Variants in OSBPL11 observed in about 807,000 individuals in gnomAD.
OSBPL11 encodes oxysterol binding protein like 11, also known as oxysterol-binding protein-related protein 11.
Under a neutral mutation model 84.4 loss-of-function variants are expected in OSBPL11, and 33 were observed. The observed-to-expected ratio is 0.39, with a 90% CI of 0.30 to 0.52. The LOEUF (loss-of-function observed/expected upper bound fraction) is 0.52. Among genes scored for constraint, OSBPL11 ranks in the 20% least tolerant of loss-of-function variants. The probability of loss-of-function intolerance (pLI) is 0.72; values close to 1 mark genes in which losing one functional copy is unlikely to be tolerated. For synonymous variants in OSBPL11, 276 were observed against 310.2 expected (o/e 0.89, Z 1.16); for missense variants, 736 against 901.1 (o/e 0.82, Z 2.35).
intron 10 of OSBPL11, among the ~76,000 whole-genome samples, chr3:125,542,700 C>T (rs1309841920): frequency 1.3e-5 from 2 of 151,918 alleles, no homozygotes; most frequent in South Asian, 2.1e-4. Context: ...TTAGTAGAGA[C>T]GGGGTTTCAC....
At chr3:125,581,226 G>A (rs967726116) in intron 2 of OSBPL11, among the ~76,000 whole-genome samples, 1 of 151,688 alleles carries the variant, frequency 6.6e-6, no homozygotes, top group Non-Finnish European at 1.5e-5. Flanking sequence ...CAAGTACCTG[G>A]GATTACAGGC....
chr3:125,594,514 T>C, intron 1 of OSBPL11, 123 bp downstream of exon 1: 1 of 1,130,982 alleles, frequency 8.8e-7, no homozygotes, highest in South Asian at 1.5e-5. Context: ...AAACGAGATG[T>C]ATCAGTAGCT....
chr3:125,531,068 G>A (rs1009378266), intron 12 of OSBPL11, among the ~76,000 whole-genome samples: 5 of 150,880 alleles, frequency 3.3e-5, no homozygotes, highest in Admixed American at 1.3e-4. Flanking sequence ...TGCAACCTCC[G>A]CCTCCCTGGT....
intron 11 of OSBPL11, among the ~76,000 whole-genome samples, chr3:125,537,802 C>T (rs1935664083): frequency 6.6e-6 from 1 of 152,024 alleles, no homozygotes; most frequent in Non-Finnish European, 1.5e-5. Flanking sequence ...TACTCTTTTC[C>T]AGAAGCAACC....
In OSBPL11 at chr3:125,582,923, C is replaced by G. The variant is rs1419955886; in HGVS notation, c.220G>C (p.Gly74Arg). 2 of 1,597,796 alleles carry G rather than the reference C, an allele frequency of 1.3e-6. No homozygotes were observed. The highest frequency in any genetic ancestry group is 8.5e-7 in the Non-Finnish European group (1 of 1,174,742). ...AATCACACTTACCTGTACTGCCACC[C>G]AGTGACAAGGTTGGTATACTTCATT... ...YLMKYTNLVT[G>R]WQYRFFVLNN... The change falls in exon 2 of 13, where the codon GGG (glycine) becomes CGG (arginine). Residue 74 changes from glycine to arginine, a missense_variant. Gly to Arg is a moderately radical substitution (Grantham distance 125, BLOSUM62 -2). Coordinates refer to ENST00000296220, the MANE Select transcript of OSBPL11 (RefSeq NM_022776.5).
intron 10 of OSBPL11, among the ~76,000 whole-genome samples, chr3:125,544,281 C>G (rs892431711): frequency 2.6e-5 from 4 of 152,110 alleles, no homozygotes; most frequent in Admixed American, 2.6e-4. Context: ...GCCTCAAACT[C>G]TTGACCTCAA....
At chr3:125,555,566 A>T (rs1935980507) in intron 8 of OSBPL11, among the ~76,000 whole-genome samples, 1 of 152,230 alleles carries the variant, frequency 6.6e-6, no homozygotes, top group Non-Finnish European at 1.5e-5. Context: ...ATACCAAGAC[A>T]TGATAAAGAG....
chr3:125,544,512 T>C (rs929643529), intron 10 of OSBPL11, among the ~76,000 whole-genome samples: 1 of 152,234 alleles, frequency 6.6e-6, no homozygotes, highest in Non-Finnish European at 1.5e-5. Context: ...GTGGTTGCTA[T>C]CTAGGTGCTA....
chr3:125,539,102 T>C (rs1935684503), intron 10 of OSBPL11, among the ~76,000 whole-genome samples: 1 of 151,478 alleles, frequency 6.6e-6, no homozygotes, highest in Non-Finnish European at 1.5e-5. Context: ...CACATAAGCC[T>C]AATTTTAAAT....
Position 125,573,025 on chromosome 3 carries a change from G to GTA in OSBPL11, c.666+3162_666+3163dup, listed in dbSNP as rs1215565872. On this transcript the variant is annotated intron_variant, in intron 5 of 12. Transcript: ENST00000296220. ...TAGTATATATAGTGTGTGTGTGTGT[G>GTA]TATATATATATAACTTGCAGTCTGC... 5.6e-4 allele frequency among the ~76,000 whole-genome samples: 83 copies of GTA among 148,494 alleles called. No individual in the cohort carries two copies. The South Asian group carries it at 6.9e-3, about 12-fold the overall frequency.
At chr3:125,545,131 T>C (rs1353236702) in intron 10 of OSBPL11, among the ~76,000 whole-genome samples, 2 of 152,178 alleles carry the variant, frequency 1.3e-5, no homozygotes, top group Admixed American at 6.5e-5. Flanking sequence ...ATATAAAAAA[T>C]TCACATGAAG....
intron 9 of OSBPL11, among the ~76,000 whole-genome samples, chr3:125,551,419 C>T (rs1935905891): frequency 1.3e-5 from 2 of 151,724 alleles, no homozygotes; most frequent in South Asian, 4.1e-4. Flanking sequence ...GCAGGCATTA[C>T]AGAAGCTTTT....
At chr3:125,580,381 G>A (rs939054398) in intron 2 of OSBPL11, among the ~76,000 whole-genome samples, 2 of 151,988 alleles carry the variant, frequency 1.3e-5, no homozygotes, top group African/African-American at 4.8e-5. Flanking sequence ...AGGTGTGGTG[G>A]TGCATGCCTG....
At chr3:125,537,829 G>A (rs2107587740) in intron 11 of OSBPL11, among the ~76,000 whole-genome samples, 1 of 152,168 alleles carries the variant, frequency 6.6e-6, no homozygotes, top group Admixed American at 6.5e-5. Context: ...AACACATTTT[G>A]GAAGCTGTAC....
At chr3:125,582,851 T>C (rs1936449165) in intron 2 of OSBPL11, 59 bp downstream of exon 2, 1 of 1,163,880 alleles carries the variant, frequency 8.6e-7, no homozygotes, top group Non-Finnish European at 1.2e-6. Flanking sequence ...TATAAAATTA[T>C]TGGGCCCTAT....
At chr3:125,549,986 T>C (rs534001115) in intron 9 of OSBPL11, among the ~76,000 whole-genome samples, 3 of 152,254 alleles carry the variant, frequency 2.0e-5, no homozygotes, top group East Asian at 1.9e-4. Context: ...TTTTCACTTA[T>C]AAAATAAGCA....
chr3:125,577,660 T>G (rs1277346241), intron 4 of OSBPL11, among the ~76,000 whole-genome samples: 1 of 151,836 alleles, frequency 6.6e-6, no homozygotes, highest in Non-Finnish European at 1.5e-5. Context: ...AAACCCCGTC[T>G]CTACCAAAAA....
chr3:125,593,218 G>A (rs1352062663), intron 1 of OSBPL11, among the ~76,000 whole-genome samples: 3 of 152,164 alleles, frequency 2.0e-5, no homozygotes, highest in Admixed American at 6.5e-5. Flanking sequence ...CGCGGCCCCT[G>A]CCACAGGTCA....
At chr3:125,562,862 G>A (rs1250328690) in intron 7 of OSBPL11, among the ~76,000 whole-genome samples, 2 of 152,130 alleles carry the variant, frequency 1.3e-5, no homozygotes, top group Non-Finnish European at 2.9e-5. Context: ...GGAGGCGGAG[G>A]TTGCGGTGAG....
Sources: gnomAD v4.1 joint callset for allele counts (sites outside exome capture counted in the v4.1 genomes callset) on GRCh38, gnomAD v4.1.1 for gene constraint, MANE v1.5 for transcripts, NCBI Gene and HGNC (gene_info 2026-07-23, HGNC 2026-07-21) for gene names.